The following SLC5A1 variants were observed in gnomAD, a reference collection of about 807,000 sequenced individuals.
SLC5A1 encodes the protein sodium/glucose cotransporter 1.
Under a neutral mutation model 73.5 loss-of-function variants are expected in SLC5A1, and 42 were observed. The ratio of observed to expected loss-of-function variants is 0.57; its 90% CI spans 0.45 to 0.74. SLC5A1 has a LOEUF of 0.74. Among genes scored for constraint, SLC5A1 ranks in the 30% least tolerant of loss-of-function variants. The pLI is 0.00. For synonymous variants in SLC5A1, 300 were observed against 317.4 expected (o/e 0.95, Z 0.58); for missense variants, 634 against 855.4 (o/e 0.74, Z 3.23).
intron 10 of SLC5A1, among the ~76,000 whole-genome samples, chr22:32,087,049 AAAAGTC>A (rs1569311852): frequency 6.6e-6 from 1 of 152,198 alleles, no homozygotes; most frequent in Non-Finnish European, 1.5e-5. Flanking sequence ...TAGAGCCTTA[AAAAGTC>A]AAATTTGTAG....
At chr22:32,066,802 C>A in intron 2 of SLC5A1, 133 bp from the exon 3 acceptor site, 1 of 697,594 alleles carries the variant, frequency 1.4e-6, no homozygotes, top group Non-Finnish European at 2.7e-6. Flanking sequence ...ATGATTCCAG[C>A]ACAGTTTTCT....
chr22:32,066,856 T>C, intron 2 of SLC5A1, 79 bp from the exon 3 acceptor site: 1 of 966,346 alleles, frequency 1.0e-6, no homozygotes, highest in Admixed American at 1.8e-5. Flanking sequence ...TTGGCTGACA[T>C]GTCTCCTCTC....
intron 13 of SLC5A1, among the ~76,000 whole-genome samples, chr22:32,103,703 C>T (rs1033264575): frequency 6.6e-6 from 1 of 152,230 alleles, no homozygotes; most frequent in Non-Finnish European, 1.5e-5. Context: ...CTCAGGGAAA[C>T]CCAAAATATA....
At chr22:32,055,130 A>G (rs532806954) in intron 2 of SLC5A1, among the ~76,000 whole-genome samples, 1 of 152,246 alleles carries the variant, frequency 6.6e-6, no homozygotes, top group South Asian at 2.1e-4. Context: ...TGTGCCAAAA[A>G]CTGGTGGGAA....
Position 32,061,287 on chromosome 22 carries a change from C to T in SLC5A1, c.208-5648C>T, listed in dbSNP as rs140202309. On this transcript the variant is annotated intron_variant, in intron 2 of 14. Coordinates refer to ENST00000266088, the MANE Select transcript of SLC5A1 (RefSeq NM_000343.4). Reference sequence around the variant, plus strand: ...AAAATTAGCTGGGCATGCTGGCATGCAGCTGTAGTCCCAGCTACTTGGGAG... The same window carrying T: ...AAAATTAGCTGGGCATGCTGGCATGTAGCTGTAGTCCCAGCTACTTGGGAG... Among the ~76,000 whole-genome samples the T allele has an allele frequency of 4.4e-3, 670 of 152,176 alleles. 6 individuals are homozygous for T. Among genetic ancestry groups the T allele is most frequent in the African/African-American group, 0.015 (642 of 41,542 alleles).
chr22:32,058,728 A>G (rs1415004813), intron 2 of SLC5A1, among the ~76,000 whole-genome samples: 2 of 152,194 alleles, frequency 1.3e-5, no homozygotes, highest in Non-Finnish European at 2.9e-5. Flanking sequence ...GGACTAACCT[A>G]TAAGGTCAGT....
intron 1 of SLC5A1, among the ~76,000 whole-genome samples, chr22:32,047,529 G>T (rs1448299695): frequency 6.6e-6 from 1 of 151,470 alleles, no homozygotes; most frequent in African/African-American, 2.4e-5. Flanking sequence ...CAAAAAAACT[G>T]CTACAGAGGA....
rs1246036990 is a variant in SLC5A1 at position 32,106,748 on chromosome 22, C to T, written c.1771+1857C>T. Among the ~76,000 whole-genome samples the T allele has an allele frequency of 2.0e-5, 3 of 152,344 alleles. No homozygotes were observed. In the East Asian group the frequency reaches 5.8e-4, roughly 29 times the overall value. ...CTACTTCAGTATTGCAACTTTTCCT[C>T]TCTATGTGGGAAACGTGCACACGTG... is the stretch of plus-strand genomic sequence containing the variant. On this transcript the variant is annotated intron_variant, in intron 14 of 14. Coordinates refer to ENST00000266088, the MANE Select transcript of SLC5A1 (RefSeq NM_000343.4).
Position 32,061,953 on chromosome 22 carries a change from G to T in SLC5A1, c.208-4982G>T, listed in dbSNP as rs140758031. Among the ~76,000 whole-genome samples, 590 of 152,284 alleles carry T rather than the reference G, an allele frequency of 3.9e-3. 6 individuals carry two copies. In the Middle Eastern group the frequency reaches 0.044, roughly 11 times the overall value. On this transcript the variant is annotated intron_variant, in intron 2 of 14. Coordinates refer to ENST00000266088, the MANE Select transcript of SLC5A1 (RefSeq NM_000343.4). ...TCGATGAGGAACAGACACATGAGAAGAGGAACAGACACATGAGAAGTCTGG... is the reference window on the plus strand; with the variant it reads ...TCGATGAGGAACAGACACATGAGAATAGGAACAGACACATGAGAAGTCTGG...
At chr22:32,070,528 C>T (rs1316890601) in intron 5 of SLC5A1, among the ~76,000 whole-genome samples, 2 of 151,668 alleles carry the variant, frequency 1.3e-5, no homozygotes, top group African/African-American at 4.8e-5. Context: ...GAGACAGGGC[C>T]TCACTATGTT....
At chr22:32,084,113 T>A (rs1237653816) in intron 7 of SLC5A1, among the ~76,000 whole-genome samples, 1 of 152,012 alleles carries the variant, frequency 6.6e-6, no homozygotes, top group Non-Finnish European at 1.5e-5. Context: ...AAAAACAGAG[T>A]CTTTGTATGT....
rs2094054618 is a variant in SLC5A1, at chr22:32,110,493, A to G, written c.*280A>G. On this transcript the variant is annotated 3_prime_UTR_variant, in exon 15 of 15. Coordinates refer to ENST00000266088, the MANE Select transcript of SLC5A1 (RefSeq NM_000343.4). ...AAAGGCAGACTAAGAATCAGAAGCCATGTGATTGATGTCTGACGTGAGTCT... is the reference window on the plus strand; with the variant it reads ...AAAGGCAGACTAAGAATCAGAAGCCGTGTGATTGATGTCTGACGTGAGTCT... 2.0e-6 allele frequency: 1 copy of G among 488,968 alleles called. No homozygotes were observed. Among genetic ancestry groups the G allele is most frequent in the South Asian group, 2.0e-5 (1 of 49,082 alleles). The allele number at this position is 488,968 out of a possible 1,614,324, so 30.3% of individuals were successfully genotyped here.
At chr22:32,075,085 T>A (rs1240598859) in intron 5 of SLC5A1, among the ~76,000 whole-genome samples, 1 of 149,106 alleles carries the variant, frequency 6.7e-6, no homozygotes, top group Non-Finnish European at 1.5e-5. Flanking sequence ...TTTTTTTTTT[T>A]TTTTTTTTTA....
At chr22:32,063,055 T>C (rs774246761) in intron 2 of SLC5A1, among the ~76,000 whole-genome samples, 40 of 152,144 alleles carry the variant, frequency 2.6e-4, no homozygotes, top group Non-Finnish European at 4.6e-4. Context: ...TGCATGTATA[T>C]GGGGAGAGAG....
intron 11 of SLC5A1, among the ~76,000 whole-genome samples, chr22:32,092,255 G>T (rs2094019153): frequency 6.6e-6 from 1 of 152,162 alleles, no homozygotes; most frequent in Non-Finnish European, 1.5e-5. Context: ...GTTTCATCCA[G>T]TTGCTGCGAA....
intron 2 of SLC5A1, among the ~76,000 whole-genome samples, chr22:32,058,026 G>C (rs936707322): frequency 6.6e-6 from 1 of 152,060 alleles, no homozygotes; most frequent in South Asian, 2.1e-4. Context: ...AACTGGAAAA[G>C]TATTTTAAAA....
chr22:32,071,232 G>A (rs1166068356), intron 5 of SLC5A1, among the ~76,000 whole-genome samples: 4 of 152,140 alleles, frequency 2.6e-5, no homozygotes, highest in Admixed American at 1.3e-4. Flanking sequence ...CATGAGGATT[G>A]CGTGAGACCA....
intron 4 of SLC5A1, 115 bp from the exon 5 acceptor site, chr22:32,068,381 A>G (rs1001578947): frequency 5.0e-6 from 4 of 802,798 alleles, no homozygotes; most frequent in Non-Finnish European, 8.7e-6. Context: ...AGCAAAAGTT[A>G]TGAATCCTTG....
At chr22:32,100,756 A>C (rs1463720058) in intron 12 of SLC5A1, among the ~76,000 whole-genome samples, 1 of 152,188 alleles carries the variant, frequency 6.6e-6, no homozygotes, top group Non-Finnish European at 1.5e-5. Flanking sequence ...GGGGATGAAT[A>C]GGGAACATAT....
Sources: allele counts gnomAD v4.1 joint callset (sites outside exome capture counted in the v4.1 genomes callset), GRCh38; gene constraint gnomAD v4.1.1; transcripts MANE v1.5; gene names NCBI Gene and HGNC (gene_info 2026-07-23, HGNC 2026-07-21).